DENND5B: variants seen among roughly 807,000 people sequenced by gnomAD.
The protein encoded by DENND5B is DENN domain-containing protein 5B.
In DENND5B, 34 loss-of-function variants were observed where a neutral mutation model predicts 140.6. The observed-to-expected ratio is 0.24, with a 90% CI of 0.18 to 0.32. DENND5B has a LOEUF of 0.32. Ranked by LOEUF, DENND5B falls within the 10% of genes least tolerant of loss-of-function variation. DENND5B has a pLI of 1.00. For missense variants in DENND5B, 1,142 were observed against 1,560.2 expected (o/e 0.73, Z 4.52); for synonymous variants, 551 against 562.1 (o/e 0.98, Z 0.28).
chr12:31,389,261 C>A, intron 20 of DENND5B, 63 bp downstream of exon 20: 1 of 1,503,876 alleles, frequency 6.6e-7, no homozygotes, highest in Non-Finnish European at 9.0e-7. Context: ...TCTGGTATAA[C>A]CTTTTCTGGA....
chr12:31,493,655 C>A (rs1434851431), intron 2 of DENND5B, among the ~76,000 whole-genome samples: 1 of 152,054 alleles, frequency 6.6e-6, no homozygotes, highest in African/African-American at 2.4e-5. Context: ...TATGGTGAAA[C>A]CCTGTCTCTA....
At chr12:31,505,963 T>C (rs1947185080) in intron 1 of DENND5B, among the ~76,000 whole-genome samples, 1 of 151,998 alleles carries the variant, frequency 6.6e-6, no homozygotes, top group Admixed American at 6.6e-5. Context: ...GCCTCCCACA[T>C]GGCTAAGACT....
At chr12:31,460,429 C>T (rs1194277352) in intron 3 of DENND5B, 48 bp from the exon 4 acceptor site, 1 of 1,543,052 alleles carries the variant, frequency 6.5e-7, no homozygotes, top group East Asian at 2.3e-5. Context: ...AGTAAAAACA[C>T]AATCACTTCA....
At chr12:31,434,407 G>A (rs1022409489) in intron 7 of DENND5B, among the ~76,000 whole-genome samples, 1 of 152,152 alleles carries the variant, frequency 6.6e-6, no homozygotes, top group Non-Finnish European at 1.5e-5. Flanking sequence ...CCTTTCAGAT[G>A]AGATCAGGTG....
intron 13 of DENND5B, among the ~76,000 whole-genome samples, chr12:31,411,563 T>G (rs957102046): frequency 6.6e-6 from 1 of 151,786 alleles, no homozygotes; most frequent in African/African-American, 2.4e-5. Context: ...CAGGATGGTC[T>G]CGATCTCCTG....
chr12:31,574,387 C>T (rs1295671228), intron 1 of DENND5B, among the ~76,000 whole-genome samples: 4 of 151,330 alleles, frequency 2.6e-5, no homozygotes, highest in East Asian at 1.9e-4. Context: ...GTCTGGAGTT[C>T]GAGACCAACC....
At chr12:31,526,530 T>G (rs1235388876) in intron 1 of DENND5B, among the ~76,000 whole-genome samples, 1 of 152,156 alleles carries the variant, frequency 6.6e-6, no homozygotes, top group Non-Finnish European at 1.5e-5. Context: ...TGCTGAGGCA[T>G]AAATAAATAA....
chr12:31,398,040 A>C (rs1941578891), intron 17 of DENND5B, 135 bp downstream of exon 17: 2 of 883,850 alleles, frequency 2.3e-6, no homozygotes, highest in Non-Finnish European at 3.2e-6. Flanking sequence ...CGGCTTTTGA[A>C]TATTTATGAA....
chr12:31,430,084 A>G (rs1943440972), intron 8 of DENND5B, among the ~76,000 whole-genome samples: 1 of 151,540 alleles, frequency 6.6e-6, no homozygotes, highest in Non-Finnish European at 1.5e-5. Flanking sequence ...GTGCAGCGGC[A>G]TGATCTCAGC....
At chr12:31,443,053 T>TG in intron 6 of DENND5B, 128 bp from the exon 7 acceptor site, 2 of 822,020 alleles carry the variant, frequency 2.4e-6, no homozygotes, top group Non-Finnish European at 3.7e-6. Context: ...ATTGTGTGTG[T>TG]GTGTGTGTGT....
chr12:31,422,570 C>G (rs1173490651), intron 11 of DENND5B, among the ~76,000 whole-genome samples: 1 of 152,174 alleles, frequency 6.6e-6, no homozygotes, highest in Admixed American at 6.5e-5. Flanking sequence ...CACTGTACTC[C>G]AACCTGGGTG....
chr12:31,398,053 T>G, intron 17 of DENND5B, 122 bp downstream of exon 17: 1 of 960,252 alleles, frequency 1.0e-6, no homozygotes, highest in East Asian at 3.2e-5. Flanking sequence ...TTTATGAATT[T>G]TCCTCAACTT....
rs574310097 is a variant in DENND5B, at chr12:31,442,828, C to A, written c.1959G>T (p.Gly653=). The A allele has an allele frequency of 2.5e-6, 4 of 1,613,514 alleles. No individual in the cohort carries two copies. The African/African-American group carries it at 4.0e-5, about 16-fold the overall frequency. The change falls in exon 7 of 21, where the codon GGG becomes GGT. Residue 653 remains glycine (G), a synonymous_variant. Transcript: ENST00000389082. ...MKIGQGKYEQ[G]FFPKLQSDVL... ...CATCGGACTGTAACTTTGGAAAGAA[C>A]CCCTGCTCATATTTGCCTTGACCAA...
intron 3 of DENND5B, among the ~76,000 whole-genome samples, chr12:31,478,786 T>C (rs767402118): frequency 6.6e-6 from 1 of 152,206 alleles, no homozygotes; most frequent in Non-Finnish European, 1.5e-5. Context: ...TTCCTTCAAT[T>C]CACTATCCAT....
At chr12:31,555,127 G>C (rs1269899013) in intron 1 of DENND5B, among the ~76,000 whole-genome samples, 5 of 152,140 alleles carry the variant, frequency 3.3e-5, no homozygotes, top group Admixed American at 6.5e-5. Context: ...AGGAGGAGAG[G>C]CACTCTGATT....
intron 17 of DENND5B, among the ~76,000 whole-genome samples, chr12:31,394,365 G>A (rs1315638890): frequency 1.3e-5 from 2 of 151,704 alleles, no homozygotes; most frequent in Admixed American, 6.6e-5. Context: ...AAGAAAGTAC[G>A]ATTAAAAAAA....
At position 31,392,267 on chromosome 12, in the gene DENND5B, C is replaced by A; in HGVS notation, c.3466G>T (p.Glu1156Ter). Residue 1156 changes from glutamate to a stop codon, truncating the protein, a stop_gained and splice_region_variant, in exon 19 of 21, where the codon GAG (glutamate) becomes TAG (stop). Coordinates refer to ENST00000389082, the MANE Select transcript of DENND5B (RefSeq NM_144973.4). LOFTEE classifies it high-confidence loss of function. ...HKNVFIWDFI[E>*]KVVAYFETTD... ...TGTAATACACATCTACTTTATTTAC[C>A]TATGAAGTCCCAGATGAAGACATTC... The A allele has an allele frequency of 6.2e-7, 1 of 1,613,572 alleles. No homozygotes were observed. Among genetic ancestry groups the A allele is most frequent in the South Asian group, 1.1e-5 (1 of 91,010 alleles).
intron 3 of DENND5B, among the ~76,000 whole-genome samples, chr12:31,464,560 T>TA (rs1445561765): frequency 6.6e-6 from 1 of 152,126 alleles, no homozygotes; most frequent in East Asian, 1.9e-4. Context: ...GTATTTTTCT[T>TA]TTTATTTATT....
At chr12:31,467,302 G>A (rs574757281) in intron 3 of DENND5B, among the ~76,000 whole-genome samples, 1 of 152,178 alleles carries the variant, frequency 6.6e-6, no homozygotes, top group East Asian at 1.9e-4. Flanking sequence ...AAATCTCTAA[G>A]ATATGAAATA....
Sources: gnomAD v4.1 joint callset for allele counts (sites outside exome capture counted in the v4.1 genomes callset) on GRCh38, gnomAD v4.1.1 for gene constraint, MANE v1.5 for transcripts, NCBI Gene and HGNC (gene_info 2026-07-23, HGNC 2026-07-21) for gene names.